The following YWHAQ variants were observed in gnomAD, a reference collection of about 807,000 sequenced individuals.
The protein encoded by YWHAQ is tyrosine 3-monooxygenase/tryptophan 5-monooxygenase activation protein theta, also known as 14-3-3 protein theta.
Under a neutral mutation model 28.3 loss-of-function variants are expected in YWHAQ, and 6 were observed. The ratio of observed to expected loss-of-function variants is 0.21; its 90% CI spans 0.12 to 0.42. The LOEUF (loss-of-function observed/expected upper bound fraction) is 0.42, where lower values mean the gene tolerates loss of function less well. YWHAQ is among the 10% of genes least tolerant of loss of function. The pLI is 1.00. For missense variants in YWHAQ, 201 were observed against 305.6 expected, an observed-to-expected ratio of 0.66 and a Z score of 2.55; for synonymous variants, 143 against 119.1, an observed-to-expected ratio of 1.20 and a Z score of -1.31.
chr2:9,601,889 T>C (rs1392625521), intron 2 of YWHAQ, among the ~76,000 whole-genome samples: 1 of 152,074 alleles, frequency 6.6e-6, no homozygotes, highest in African/African-American at 2.4e-5. Context: ...CTCAGATGAT[T>C]TGCCTGCCTC....
At chr2:9,608,806 G>A (rs1666888232) in intron 2 of YWHAQ, among the ~76,000 whole-genome samples, 1 of 152,208 alleles carries the variant, frequency 6.6e-6, no homozygotes, top group African/African-American at 2.4e-5. Context: ...CAGGCGTGTT[G>A]GCGGGTGCCT....
At chr2:9,588,140 CG>C (rs1558540457) in intron 4 of YWHAQ, 24 bp downstream of exon 4, 1 of 1,508,968 alleles carries the variant, frequency 6.6e-7, no homozygotes, top group South Asian at 1.4e-5. Context: ...AGCTAAAGTA[CG>C]TATTTCCTGG....
chr2:9,598,300 C>G (rs1666620110), intron 2 of YWHAQ, among the ~76,000 whole-genome samples: 1 of 152,114 alleles, frequency 6.6e-6, no homozygotes, highest in Non-Finnish European at 1.5e-5. Flanking sequence ...AATTCCAAAC[C>G]TCTACAACCA....
At chr2:9,612,614 T>C (rs1666970238) in intron 2 of YWHAQ, among the ~76,000 whole-genome samples, 1 of 152,186 alleles carries the variant, frequency 6.6e-6, no homozygotes, top group Admixed American at 6.6e-5. Context: ...AGGAGGAGTG[T>C]GGAGCAACAA....
rs1666316023 is a variant in YWHAQ, at chr2:9,585,076, T to C, written c.*210A>G. On this transcript the variant is annotated 3_prime_UTR_variant, in exon 6 of 6. Transcript: ENST00000238081. The stretch of plus-strand genomic sequence containing the variant: ...TATATGAAATGAAGCTATTAATACT[T>C]TTCTACAGCAGTACTGCACACCAGG... 1.2e-5 allele frequency: 7 copies of C among 575,280 alleles called. No individual in the cohort carries two copies. In the South Asian group the frequency reaches 1.5e-4, roughly 13 times the overall value. 35.6% of individuals were successfully genotyped at this position (575,280 alleles called of 1,614,324 possible).
chr2:9,619,514 T>C (rs1383097441), intron 2 of YWHAQ, among the ~76,000 whole-genome samples: 5 of 151,892 alleles, frequency 3.3e-5, no homozygotes, highest in African/African-American at 7.3e-5. Context: ...TGCCACTACA[T>C]TCCAGCCTGG....
At chr2:9,624,416 G>A (rs903828255) in intron 2 of YWHAQ, among the ~76,000 whole-genome samples, 14 of 152,144 alleles carry the variant, frequency 9.2e-5, no homozygotes, top group Admixed American at 7.9e-4. Context: ...ATATCAACAC[G>A]TTAGGAAGAA....
Position 9,588,319 on chromosome 2 carries a change from T to C in YWHAQ, c.428A>G (p.Asp143Gly). Reference sequence around the variant, plus strand: ...CTCTTGGTAAGCTCCTTGGGAATTATCTATCGTTTCTGTGAAGAGCGAAAA... The same window carrying C: ...CTCTTGGTAAGCTCCTTGGGAATTACCTATCGTTTCTGTGAAGAGCGAAAA... ...ACGDDRKQTIDNSQGAYQEAF... is the reference protein window; with the variant it reads ...ACGDDRKQTIGNSQGAYQEAF... Residue 143 changes from aspartate to glycine, a missense_variant, in exon 4 of 6, where the codon GAT (aspartate) becomes GGT (glycine). Around this residue, in one of 2 missense-constraint regions of YWHAQ, gnomAD observed 162 missense variants for 213.9 expected, o/e 0.76. Transcript: ENST00000238081. 3.1e-6 allele frequency: 5 copies of C among 1,608,600 alleles called. No homozygotes were observed. Among genetic ancestry groups the C allele is most frequent in the South Asian group, 2.2e-5 (2 of 89,792 alleles).
chr2:9,606,380 A>C (rs953100592), intron 2 of YWHAQ, among the ~76,000 whole-genome samples: 1 of 151,766 alleles, frequency 6.6e-6, no homozygotes, highest in Non-Finnish European at 1.5e-5. Flanking sequence ...AGCCTGGGAA[A>C]CACGGTGAAA....
In YWHAQ at chr2:9,623,778, A is replaced by G. The variant is rs552729420; in HGVS notation, c.294+6381T>C. On this transcript the variant is annotated intron_variant, in intron 2 of 5. Transcript: ENST00000238081. ...CAAGAGCAAAACTCTGTCTCAACAAAATAAATAAATAAATAAATAAAATTA... is the reference window on the plus strand; with the variant it reads ...CAAGAGCAAAACTCTGTCTCAACAAGATAAATAAATAAATAAATAAAATTA... Among the ~76,000 whole-genome samples the G allele has an allele frequency of 1.8e-4, 27 of 152,104 alleles. No homozygotes were observed. In the East Asian group the frequency reaches 5.2e-3, roughly 29 times the overall value.
intron 2 of YWHAQ, chr2:9,615,322 C>T (rs1667021889): frequency 6.6e-6 from 1 of 151,922 alleles, no homozygotes; most frequent in South Asian, 2.1e-4. Flanking sequence ...CCAAATCAAA[C>T]TCCTTGTTCT....
chr2:9,591,571 C>T, intron 2 of YWHAQ, 56 bp from the exon 3 acceptor site: 1 of 1,546,952 alleles, frequency 6.5e-7, no homozygotes, highest in Non-Finnish European at 8.8e-7. Context: ...TGTGCATTAT[C>T]ATTAAATGAT....
intron 2 of YWHAQ, among the ~76,000 whole-genome samples, chr2:9,603,161 A>T (rs1475021336): frequency 6.6e-6 from 1 of 151,938 alleles, no homozygotes; most frequent in Non-Finnish European, 1.5e-5. Flanking sequence ...TGCCTCTAAG[A>T]ATCAACAACA....
chr2:9,608,252 G>A (rs1273775821), intron 2 of YWHAQ, among the ~76,000 whole-genome samples: 4 of 152,136 alleles, frequency 2.6e-5, no homozygotes, highest in African/African-American at 9.7e-5. Context: ...AAAACATACA[G>A]TAGAGCTTCA....
rs762229696 is a variant in YWHAQ at position 9,627,407 on chromosome 2, T to C, written c.294+2752A>G. On this transcript the variant is annotated intron_variant, in intron 2 of 5. Transcript: ENST00000238081. ...TATGTTAGCACGCATGTTCAAAAAC[T>C]TTAGGTGTTACTCTACTTTCCTAGA... Among the ~76,000 whole-genome samples the C allele has an allele frequency of 2.0e-5, 3 of 152,360 alleles. No individual in the cohort carries two copies. The East Asian group carries it at 5.8e-4, about 29-fold the overall frequency.
At chr2:9,596,444 T>C (rs889577744) in intron 2 of YWHAQ, among the ~76,000 whole-genome samples, 10 of 152,162 alleles carry the variant, frequency 6.6e-5, no homozygotes, top group Admixed American at 4.6e-4. Context: ...AGCTACTCTA[T>C]TGAAGAAAGA....
At chr2:9,591,009 T>C (rs773018141) in intron 3 of YWHAQ, among the ~76,000 whole-genome samples, 10 of 152,238 alleles carry the variant, frequency 6.6e-5, no homozygotes, top group Non-Finnish European at 1.2e-4. Context: ...TGTATGTAAT[T>C]TCCAGTGATC....
chr2:9,596,726 G>A (rs922477649), intron 2 of YWHAQ, among the ~76,000 whole-genome samples: 1 of 151,280 alleles, frequency 6.6e-6, no homozygotes, highest in African/African-American at 2.4e-5. Context: ...CCTTGAGACC[G>A]AGTCTCACTC....
chr2:9,591,631 T>C lies in YWHAQ; in HGVS notation c.295-116A>G, dbSNP rs563403576. On this transcript the variant is annotated intron_variant, in intron 2 of 5. Transcript: ENST00000238081. ...CAATCATTTACTACTACAGTAATACTATACCATACCAGCCTGGACTTGAAG... is the reference window on the plus strand; with the variant it reads ...CAATCATTTACTACTACAGTAATACCATACCATACCAGCCTGGACTTGAAG... 3 of 1,299,390 alleles carry C rather than the reference T, an allele frequency of 2.3e-6. No homozygotes were observed. In the African/African-American group the frequency reaches 4.4e-5, roughly 19 times the overall value. 80.5% of individuals were successfully genotyped at this position (1,299,390 alleles called of 1,614,324 possible). A position where few individuals can be genotyped will look rare whatever the true frequency, so the allele number is the denominator to read the frequency against.
Sources: allele counts gnomAD v4.1 joint callset (sites outside exome capture counted in the v4.1 genomes callset), GRCh38; gene constraint gnomAD v4.1.1; regional missense constraint gnomAD v4.1.1; transcripts MANE v1.5; gene names NCBI Gene and HGNC (gene_info 2026-07-23, HGNC 2026-07-21).